VPS4B: variants seen among roughly 807,000 people sequenced by gnomAD.
VPS4B encodes vacuolar protein sorting 4 homolog B, also known as vacuolar protein sorting-associated protein 4B.
A neutral mutation model predicts 56.1 loss-of-function variants in VPS4B; 23 were observed. That is an observed-to-expected ratio of 0.41 (90% CI 0.30 to 0.58). VPS4B has a LOEUF of 0.58. VPS4B is among the 20% of genes least tolerant of loss of function. VPS4B has a pLI of 0.29. For synonymous variants in VPS4B, 177 were observed against 186.0 expected (o/e 0.95, Z 0.39); for missense variants, 372 against 531.9 (o/e 0.70, Z 2.96).
chr18:63,421,198 G>A (rs1350382547), intron 1 of VPS4B, among the ~76,000 whole-genome samples: 1 of 152,148 alleles, frequency 6.6e-6, no homozygotes, highest in Non-Finnish European at 1.5e-5. Context: ...TTTTCAAGAT[G>A]AAAGTCCCAA....
chr18:63,415,067 G>A (rs902187379), intron 1 of VPS4B, among the ~76,000 whole-genome samples: 3 of 152,162 alleles, frequency 2.0e-5, no homozygotes, highest in Non-Finnish European at 4.4e-5. Flanking sequence ...GGTGGCACAC[G>A]TTAAACCTTT....
At chr18:63,409,534 T>A (rs1408968183) in intron 3 of VPS4B, among the ~76,000 whole-genome samples, 1 of 152,216 alleles carries the variant, frequency 6.6e-6, no homozygotes, top group African/African-American at 2.4e-5. Flanking sequence ...ACTACTGGCA[T>A]CAATTAATAG....
intron 10 of VPS4B, among the ~76,000 whole-genome samples, chr18:63,392,756 TG>T (rs1289990902): frequency 1.2e-5 from 1 of 84,518 alleles, no homozygotes; most frequent in Non-Finnish European, 2.4e-5. Flanking sequence ...CCCTATTTTT[TG>T]TTTTTTTTTT....
chr18:63,411,915 G>A (rs1258053807), intron 1 of VPS4B, among the ~76,000 whole-genome samples: 1 of 152,076 alleles, frequency 6.6e-6, no homozygotes, highest in Non-Finnish European at 1.5e-5. Context: ...ATAATAGAAT[G>A]TGAAAATTCA....
chr18:63,407,455 T>G lies in VPS4B; in HGVS notation c.341A>C (p.Lys114Thr), dbSNP rs1141024. ...ACCTTGAAGTTGATTCTGTAGTTTC[T>G]TTTTTTCAGGATCATCAGATTCTCC... ...GEGESDDPEK[K>T]KLQNQLQGAI... The change falls in exon 4 of 11, where the codon AAG becomes ACG. Residue 114 changes from lysine (K) to threonine (T), a missense_variant. By Grantham distance (78) the Lys-to-Thr change is moderately conservative. Coordinates refer to ENST00000238497, the MANE Select transcript of VPS4B (RefSeq NM_004869.4). 1 of 1,607,080 alleles carries G rather than the reference T, an allele frequency of 6.2e-7. No homozygotes were observed. Among genetic ancestry groups the G allele is most frequent in the East Asian group, 2.2e-5 (1 of 44,656 alleles).
chr18:63,415,759 A>G lies in VPS4B; in HGVS notation c.28-4181T>C, dbSNP rs371948954. ...ATGACAGATGGCAGGTCCTCATGCC[A>G]TGACAAACAGCTCCCTCACCATTCT... is the stretch of plus-strand genomic sequence containing the variant. On this transcript the variant is annotated intron_variant, in intron 1 of 10. Transcript: ENST00000238497. The G allele has an allele frequency of 4.4e-5, 10 of 229,470 alleles. 1 individual carries two copies. Among genetic ancestry groups the G allele is most frequent in the South Asian group, 3.0e-4 (4 of 13,412 alleles). 14.2% of individuals were successfully genotyped at this position (229,470 alleles called of 1,614,324 possible).
intron 10 of VPS4B, 109 bp downstream of exon 10, chr18:63,393,300 G>C (rs1599354608): frequency 9.6e-7 from 1 of 1,045,582 alleles, no homozygotes; most frequent in East Asian, 3.1e-5. Flanking sequence ...ACAATATTAA[G>C]TAAAATACAC....
At position 63,422,422 on chromosome 18, in the gene VPS4B, T is replaced by C; in HGVS notation, c.-163A>G. ...CCGGAACTTGTTTTAGACAACACTC[T>C]CTCCACCAGAGCTCCGACCCTCCCC... On this transcript the variant is annotated 5_prime_UTR_variant, in exon 1 of 11. Coordinates refer to ENST00000238497, the MANE Select transcript of VPS4B (RefSeq NM_004869.4). 1.9e-6 allele frequency: 1 copy of C among 533,760 alleles called. No homozygotes were observed. The highest frequency in any genetic ancestry group is 3.0e-6 in the Non-Finnish European group (1 of 330,884). 33.1% of individuals were successfully genotyped at this position (533,760 alleles called of 1,614,324 possible).
chr18:63,417,660 TG>T (rs568918238), intron 1 of VPS4B, among the ~76,000 whole-genome samples: 5 of 151,762 alleles, frequency 3.3e-5, no homozygotes, highest in African/African-American at 1.2e-4. Context: ...AGCATGCATA[TG>T]TTTTTTTTGT....
At chr18:63,410,644 G>A (rs1916020378) in intron 2 of VPS4B, among the ~76,000 whole-genome samples, 198 bp from the exon 3 acceptor site, 1 of 152,174 alleles carries the variant, frequency 6.6e-6, no homozygotes, top group South Asian at 2.1e-4. Context: ...CCAACAGTGG[G>A]TCTGAATCAG....
At chr18:63,402,497 A>T (rs1915832687) in intron 5 of VPS4B, among the ~76,000 whole-genome samples, 1 of 152,212 alleles carries the variant, frequency 6.6e-6, no homozygotes, top group South Asian at 2.1e-4. Flanking sequence ...TTGCTTTGTG[A>T]CAATTAAGGA....
chr18:63,398,321 T>C (rs938260072), intron 8 of VPS4B, among the ~76,000 whole-genome samples: 5 of 151,666 alleles, frequency 3.3e-5, no homozygotes, highest in Non-Finnish European at 7.4e-5. Flanking sequence ...CTCAAGCGAT[T>C]CTCCCACCTC....
intron 1 of VPS4B, among the ~76,000 whole-genome samples, chr18:63,419,979 A>C (rs1916258057): frequency 6.6e-6 from 1 of 152,258 alleles, no homozygotes; most frequent in Non-Finnish European, 1.5e-5. Context: ...ATATTAATCC[A>C]AATTTCCTAG....
intron 1 of VPS4B, among the ~76,000 whole-genome samples, chr18:63,421,037 CAAAAAAAAA>C (rs36083080): frequency 1.9e-5 from 1 of 52,030 alleles, no homozygotes; most frequent in African/African-American, 7.0e-5. Flanking sequence ...GACTCCGTCT[CAAAAAAAAA>C]AAAAAAAAGA....
intron 1 of VPS4B, among the ~76,000 whole-genome samples, chr18:63,414,732 G>A (rs1201560997): frequency 6.6e-6 from 1 of 152,208 alleles, no homozygotes; most frequent in Non-Finnish European, 1.5e-5. Context: ...ACCGTGCCTG[G>A]CCTAGAAATA....
rs575707684 is a variant in VPS4B, at chr18:63,411,847, C to T, written c.28-269G>A. 3.9e-5 allele frequency among the ~76,000 whole-genome samples: 6 copies of T among 152,148 alleles called. No individual in the cohort carries two copies. In the East Asian group the frequency reaches 7.7e-4, roughly 20 times the overall value. On this transcript the variant is annotated intron_variant, in intron 1 of 10. Transcript: ENST00000238497. ...TACTGAATGTTACTTTAGTACCAAT[C>T]GCTAACATTTACATGTAATTTTCAC...
At chr18:63,396,772 T>C in intron 9 of VPS4B, 2 of 390,816 alleles carry the variant, frequency 5.1e-6, no homozygotes, top group Non-Finnish European at 9.3e-6. Context: ...GTGGATCACC[T>C]GGAGTCAGGA....
chr18:63,412,276 CA>C (rs2144433433), intron 1 of VPS4B, among the ~76,000 whole-genome samples: 1 of 152,190 alleles, frequency 6.6e-6, no homozygotes, highest in African/African-American at 2.4e-5. Context: ...AAGCAGGACA[CA>C]ACTTTTTATA....
chr18:63,409,768 T>G (rs1915993004), intron 3 of VPS4B, among the ~76,000 whole-genome samples: 1 of 152,180 alleles, frequency 6.6e-6, no homozygotes. Flanking sequence ...ATCAAAAAAT[T>G]TTGCATAAGA....
Sources: gnomAD v4.1 joint callset for allele counts (sites outside exome capture counted in the v4.1 genomes callset) on GRCh38, gnomAD v4.1.1 for gene constraint, MANE v1.5 for transcripts, NCBI Gene and HGNC (gene_info 2026-07-23, HGNC 2026-07-21) for gene names.